The following KCNT2 variants were observed in gnomAD, a reference collection of about 807,000 sequenced individuals.
KCNT2 encodes potassium sodium-activated channel subfamily T member 2.
KCNT2 carries 67 observed loss-of-function variants against 153.8 expected under a neutral mutation model. The observed-to-expected ratio is 0.44, with a 90% CI of 0.36 to 0.53. The LOEUF (loss-of-function observed/expected upper bound fraction) is 0.53. Ranked by LOEUF, KCNT2 falls within the 20% of genes least tolerant of loss-of-function variation. The probability of loss-of-function intolerance (pLI) is 0.00; values close to 1 mark genes in which losing one functional copy is unlikely to be tolerated. For missense variants in KCNT2, 975 were observed against 1,354.8 expected (o/e 0.72, Z 4.40); for synonymous variants, 500 against 458.8 (o/e 1.09, Z -1.15).
chr1:196,480,624 G>C (rs542671118), intron 4 of KCNT2, among the ~76,000 whole-genome samples: 5 of 152,096 alleles, frequency 3.3e-5, no homozygotes, highest in South Asian at 4.2e-4. Context: ...GGGAGGCCGA[G>C]GTGGGCGGAT....
At position 196,378,146 on chromosome 1, in the gene KCNT2, G is replaced by A. The variant is rs577272271; in HGVS notation, c.1295-4898C>T. Among the ~76,000 whole-genome samples, 136 of 152,226 alleles carry A rather than the reference G, an allele frequency of 8.9e-4. 1 individual carries two copies. The highest frequency in any genetic ancestry group is 3.4e-3 in the Middle Eastern group (1 of 294). ...TTACTCCGTAAAGAGAAGAATCAAG[G>A]TTTAATTAAGGAATTTTATATGTTG... On this transcript the variant is annotated intron_variant, in intron 13 of 27. Coordinates refer to ENST00000294725, the MANE Select transcript of KCNT2 (RefSeq NM_198503.5).
intron 11 of KCNT2, among the ~76,000 whole-genome samples, chr1:196,425,402 C>T (rs140022477): frequency 3.9e-5 from 6 of 152,040 alleles, no homozygotes; most frequent in African/African-American, 1.4e-4. Context: ...GCTATGTGTC[C>T]AATACATAGT....
At chr1:196,292,535 A>C (rs958862322) in intron 22 of KCNT2, among the ~76,000 whole-genome samples, 3 of 152,152 alleles carry the variant, frequency 2.0e-5, no homozygotes, top group Non-Finnish European at 4.4e-5. Flanking sequence ...GGCCGGGCGC[A>C]GTGGCTCACG....
At chr1:196,518,024 G>A (rs140744806) in intron 1 of KCNT2, among the ~76,000 whole-genome samples, 9 of 152,198 alleles carry the variant, frequency 5.9e-5, no homozygotes, top group African/African-American at 1.4e-4. Context: ...GAAAGGGCAG[G>A]TCACATACAT....
chr1:196,457,673 G>GTTCA (rs1051400601), intron 8 of KCNT2, among the ~76,000 whole-genome samples: 1 of 151,910 alleles, frequency 6.6e-6, no homozygotes, highest in Non-Finnish European at 1.5e-5. Context: ...AATGGAAAGG[G>GTTCA]TTCAGCACAA....
intron 26 of KCNT2, among the ~76,000 whole-genome samples, chr1:196,250,954 C>G (rs1389950791): frequency 2.6e-5 from 4 of 151,942 alleles, no homozygotes; most frequent in Non-Finnish European, 4.4e-5. Flanking sequence ...TGCTTTCATC[C>G]AAAATACAGG....
intron 12 of KCNT2, among the ~76,000 whole-genome samples, chr1:196,418,889 C>T (rs1355119290): frequency 6.6e-6 from 1 of 152,114 alleles, no homozygotes; most frequent in African/African-American, 2.4e-5. Flanking sequence ...ATACACTCAA[C>T]CACATCAGGT....
At chr1:196,260,403 A>G (rs573249017) in intron 25 of KCNT2, among the ~76,000 whole-genome samples, 1 of 151,996 alleles carries the variant, frequency 6.6e-6, no homozygotes, top group South Asian at 2.1e-4. Flanking sequence ...CATGTAAAGT[A>G]TACATCTACA....
intron 26 of KCNT2, among the ~76,000 whole-genome samples, chr1:196,254,459 TC>T (rs1656283065): frequency 6.6e-6 from 1 of 151,610 alleles, no homozygotes; most frequent in Non-Finnish European, 1.5e-5. Context: ...CTTGTATTAT[TC>T]CTTCCAATTA....
At chr1:196,238,344 GC>G (rs1654632658) in intron 26 of KCNT2, among the ~76,000 whole-genome samples, 1 of 151,800 alleles carries the variant, frequency 6.6e-6, no homozygotes, top group Non-Finnish European at 1.5e-5. Context: ...TGCTTAAGTA[GC>G]CTGTATTATT....
chr1:196,415,943 C>T, intron 12 of KCNT2, among the ~76,000 whole-genome samples: 1 of 151,912 alleles, frequency 6.6e-6, no homozygotes, highest in East Asian at 1.9e-4. Context: ...TGCCTTCCCA[C>T]AGTTTCAGTT....
chr1:196,297,672 G>C lies in KCNT2; in HGVS notation c.2595+7562C>G, dbSNP rs368815634. Among the ~76,000 whole-genome samples the C allele has an allele frequency of 3.9e-5, 6 of 152,222 alleles. No individual in the cohort carries two copies. The East Asian group carries it at 1.2e-3, about 29-fold the overall frequency. On this transcript the variant is annotated intron_variant, in intron 22 of 27. Transcript: ENST00000294725. ...CAAATTATTTTTGGATGAATATAGAGACAAGGTAAATATTTTCTTAAAAAC... is the reference window on the plus strand; with the variant it reads ...CAAATTATTTTTGGATGAATATAGACACAAGGTAAATATTTTCTTAAAAAC...
chr1:196,450,185 C>T (rs944168680), intron 8 of KCNT2, among the ~76,000 whole-genome samples: 2 of 151,756 alleles, frequency 1.3e-5, no homozygotes, highest in Non-Finnish European at 2.9e-5. Flanking sequence ...TAGGTGAAGA[C>T]CCTATCTACT....
rs571091261 is a variant in KCNT2, at chr1:196,463,013, C to T, written c.638+2280G>A. Among the ~76,000 whole-genome samples the T allele has an allele frequency of 4.5e-4, 68 of 151,682 alleles. 1 individual carries two copies. The highest frequency in any genetic ancestry group is 1.5e-3 in the African/African-American group (64 of 41,458). On this transcript the variant is annotated intron_variant, in intron 8 of 27. Coordinates refer to ENST00000294725, the MANE Select transcript of KCNT2 (RefSeq NM_198503.5). ...TTCTAACTACAGGCTGGACTTAGGACGTACTTGCAAGAACAGGGCAGCCAT... is the reference window on the plus strand; with the variant it reads ...TTCTAACTACAGGCTGGACTTAGGATGTACTTGCAAGAACAGGGCAGCCAT...
chr1:196,504,043 A>G (rs1680913955), intron 1 of KCNT2, among the ~76,000 whole-genome samples: 1 of 152,210 alleles, frequency 6.6e-6, no homozygotes, highest in Non-Finnish European at 1.5e-5. Flanking sequence ...GGTCACTAAT[A>G]TAATTTCACT....
At chr1:196,403,633 A>G (rs1671597655) in intron 12 of KCNT2, among the ~76,000 whole-genome samples, 1 of 151,548 alleles carries the variant, frequency 6.6e-6, no homozygotes, top group African/African-American at 2.4e-5. Context: ...TAAAAATAGG[A>G]AAATGGGGTG....
At chr1:196,373,953 AC>A (rs1668736043) in intron 13 of KCNT2, among the ~76,000 whole-genome samples, 1 of 151,896 alleles carries the variant, frequency 6.6e-6, no homozygotes, top group African/African-American at 2.4e-5. Context: ...AAATGAGAGC[AC>A]ATGGGAAAGT....
Position 196,583,775 on chromosome 1 carries a change from G to GTT in KCNT2, c.95+24439_95+24440insAA, listed in dbSNP as rs1332788348. On this transcript the variant is annotated intron_variant, in intron 1 of 27. Transcript: ENST00000294725. ...GATCATCAGAAATTTTAAGAGAAAC[G>GTT]TAAGTAGAGCCATAGGGCAGAAGAA... Among the ~76,000 whole-genome samples, 5 of 152,100 alleles carry GTT rather than the reference G, an allele frequency of 3.3e-5. No individual in the cohort carries two copies. The East Asian group carries it at 9.7e-4, about 29-fold the overall frequency.
chr1:196,395,616 G>A (rs1213523115), intron 13 of KCNT2, among the ~76,000 whole-genome samples: 5 of 151,390 alleles, frequency 3.3e-5, no homozygotes, highest in East Asian at 3.9e-4. Context: ...TGAAAAACTC[G>A]AGCTTAAAGA....
Sources: allele counts gnomAD v4.1 joint callset (sites outside exome capture counted in the v4.1 genomes callset), GRCh38; gene constraint gnomAD v4.1.1; transcripts MANE v1.5; gene names NCBI Gene and HGNC (gene_info 2026-07-23, HGNC 2026-07-21).